Variants in DOCK8 observed in about 807,000 individuals in gnomAD.
DOCK8 encodes the protein dedicator of cytokinesis 8.
Under a neutral mutation model 245.6 loss-of-function variants are expected in DOCK8, and 141 were observed. The observed-to-expected ratio is 0.57, with a 90% CI of 0.50 to 0.66. DOCK8 has a LOEUF of 0.66. Ranked by LOEUF, DOCK8 falls within the 30% of genes least tolerant of loss-of-function variation. The probability of loss-of-function intolerance (pLI) is 0.00; values close to 1 mark genes in which losing one functional copy is unlikely to be tolerated. For synonymous variants in DOCK8, 1,168 were observed against 970.2 expected (o/e 1.20, Z -3.79); for missense variants, 2,965 against 2,603.4 (o/e 1.14, Z -3.02).
rs367715251 is a variant in DOCK8, at chr9:442,515, G to A, written c.5490+506G>A. On this transcript the variant is annotated intron_variant, in intron 42 of 47. Transcript: ENST00000432829. ...GGAGCTACTCAGCTGTGGCCAGCCC[G>A]GCTCCAACCTGCCAGTGAGTGACAT... 3.7e-4 allele frequency among the ~76,000 whole-genome samples: 56 copies of A among 152,292 alleles called. No individual in the cohort carries two copies. In the East Asian group the frequency reaches 8.1e-3, roughly 22 times the overall value.
At chr9:248,402 C>G (rs755964665) in intron 1 of DOCK8, among the ~76,000 whole-genome samples, 1 of 152,108 alleles carries the variant, frequency 6.6e-6, no homozygotes, top group Non-Finnish European at 1.5e-5. Flanking sequence ...TTGCCTATGT[C>G]AAGTGTTCTC....
At chr9:298,816 G>A (rs2049392718) in intron 4 of DOCK8, among the ~76,000 whole-genome samples, 1 of 151,436 alleles carries the variant, frequency 6.6e-6, no homozygotes, top group Admixed American at 6.6e-5. Context: ...TTATTTCTGT[G>A]GCCCAAAAGT....
intron 4 of DOCK8, among the ~76,000 whole-genome samples, chr9:297,775 T>C (rs932349571): frequency 2.6e-5 from 4 of 152,234 alleles, no homozygotes; most frequent in African/African-American, 9.6e-5. Flanking sequence ...TTTGAGACTT[T>C]CTGAGATTTT....
chr9:345,226 C>A (rs930100666), intron 14 of DOCK8, among the ~76,000 whole-genome samples: 1 of 152,118 alleles, frequency 6.6e-6, no homozygotes. Context: ...AATCAAATAA[C>A]TGAAAATGAA....
chr9:276,882 C>A, intron 2 of DOCK8: 1 of 230,028 alleles, frequency 4.3e-6, no homozygotes, highest in South Asian at 3.8e-5. Context: ...AATCTTGGCT[C>A]ACTACAACCT....
At chr9:228,743 G>A (rs573279047) in intron 1 of DOCK8, among the ~76,000 whole-genome samples, 9 of 152,314 alleles carry the variant, frequency 5.9e-5, no homozygotes, top group African/African-American at 2.2e-4. Flanking sequence ...ACTTAAAACA[G>A]CCATTATTAT....
At chr9:260,498 T>C (rs2047892854) in intron 1 of DOCK8, among the ~76,000 whole-genome samples, 1 of 152,228 alleles carries the variant, frequency 6.6e-6, no homozygotes, top group South Asian at 2.1e-4. Context: ...TTTCTTTATA[T>C]CGCTGCTTAG....
At chr9:263,277 T>A (rs1216355811) in intron 1 of DOCK8, among the ~76,000 whole-genome samples, 2 of 152,014 alleles carry the variant, frequency 1.3e-5, no homozygotes, top group Non-Finnish European at 2.9e-5. Flanking sequence ...TTTTTTTCCA[T>A]TTTGCCCACT....
At chr9:282,084 A>T (rs1057302216) in intron 2 of DOCK8, among the ~76,000 whole-genome samples, 1 of 152,204 alleles carries the variant, frequency 6.6e-6, no homozygotes, top group African/African-American at 2.4e-5. Flanking sequence ...TAATGATGAT[A>T]TATGTTCTTT....
chr9:413,780 A>G (rs2055863116), intron 28 of DOCK8, among the ~76,000 whole-genome samples: 1 of 152,242 alleles, frequency 6.6e-6, no homozygotes, highest in Non-Finnish European at 1.5e-5. Context: ...TGGAGTCTTC[A>G]GACACTGCTG....
intron 22 of DOCK8, among the ~76,000 whole-genome samples, chr9:385,200 T>C (rs2053899482): frequency 6.6e-6 from 1 of 152,192 alleles, no homozygotes; most frequent in Non-Finnish European, 1.5e-5. Context: ...GTAATCTGAA[T>C]GCAATGTGGT....
intron 11 of DOCK8, 81 bp downstream of exon 11, chr9:334,465 G>A: frequency 1.3e-6 from 2 of 1,492,118 alleles, no homozygotes; most frequent in Non-Finnish European, 1.8e-6. Flanking sequence ...GCGGGGACTG[G>A]GGGCACAGTG....
rs369447067 is a variant in DOCK8 at position 386,365 on chromosome 9, A to G, written c.2813A>G (p.Tyr938Cys). The change falls in exon 23 of 48, where the codon TAT becomes TGT. Residue 938 changes from tyrosine (Y) to cysteine (C), a missense_variant. Coordinates refer to ENST00000432829, the MANE Select transcript of DOCK8 (RefSeq NM_203447.4). ...CGCAACTGCAGCCGAATGTCTTACT[A>G]TTGCTCTGGCAGTAGTGATGCTCCA... Reference protein sequence around the residue: ...ADRNCSRMSYYCSGSSDAPSS... With the variant: ...ADRNCSRMSYCCSGSSDAPSS... 7 of 1,613,962 alleles carry G rather than the reference A, an allele frequency of 4.3e-6. No homozygotes were observed. In the East Asian group the frequency reaches 6.7e-5, roughly 15 times the overall value.
intron 23 of DOCK8, among the ~76,000 whole-genome samples, chr9:389,308 C>T (rs561891106): frequency 6.6e-6 from 1 of 152,288 alleles, no homozygotes; most frequent in African/African-American, 2.4e-5. Context: ...GTATAAGTCA[C>T]CCTGTGCACT....
rs1268616343 is a variant in DOCK8 at position 463,646 on chromosome 9, A to G, written c.6198A>G (p.Pro2066=). The change falls in exon 47 of 48, where the codon CCA becomes CCG. Residue 2066 remains proline, a synonymous_variant. Transcript: ENST00000432829. ...GGCCAATGATCGAGCGGAAAATTCC[A>G]GAACTGTACAAGCCAATATTCAGAG... ...NLRPMIERKI[P]ELYKPIFRVE... 2 of 1,613,694 alleles carry G rather than the reference A, an allele frequency of 1.2e-6. No individual in the cohort carries two copies. The highest frequency in any genetic ancestry group is 2.7e-5 in the African/African-American group (2 of 74,932).
At chr9:274,179 G>T (rs902050376) in intron 2 of DOCK8, among the ~76,000 whole-genome samples, 3 of 152,116 alleles carry the variant, frequency 2.0e-5, no homozygotes, top group African/African-American at 7.2e-5. Flanking sequence ...ACCTTAGCCG[G>T]GTAGTGACGT....
At chr9:329,416 G>C (rs983292855) in intron 9 of DOCK8, among the ~76,000 whole-genome samples, 2 of 151,972 alleles carry the variant, frequency 1.3e-5, no homozygotes, top group Non-Finnish European at 2.9e-5. Context: ...GTAGCTTTGA[G>C]GTCACTTAAC....
At chr9:267,322 C>T (rs1209257013) in intron 1 of DOCK8, among the ~76,000 whole-genome samples, 1 of 152,212 alleles carries the variant, frequency 6.6e-6, no homozygotes, top group East Asian at 1.9e-4. Flanking sequence ...CCTCCCACCT[C>T]AGCCCCCTGA....
At chr9:429,958 A>G in intron 36 of DOCK8, 104 bp downstream of exon 36, 4 of 1,384,840 alleles carry the variant, frequency 2.9e-6, no homozygotes, top group Non-Finnish European at 4.0e-6. Context: ...ATTGCAGTTT[A>G]CTTCTGTCCT....
Sources: gnomAD v4.1 joint callset for allele counts (sites outside exome capture counted in the v4.1 genomes callset) on GRCh38, gnomAD v4.1.1 for gene constraint, MANE v1.5 for transcripts, NCBI Gene and HGNC (gene_info 2026-07-23, HGNC 2026-07-21) for gene names.